Variants in HOOK1 observed in about 807,000 individuals in gnomAD.
HOOK1 encodes hook microtubule tethering protein 1.
A neutral mutation model predicts 112.8 loss-of-function variants in HOOK1; 60 were observed. The observed-to-expected ratio is 0.53, with a 90% CI of 0.43 to 0.66. The LOEUF is 0.66. Among genes scored for constraint, HOOK1 ranks in the 30% least tolerant of loss-of-function variants. HOOK1 has a pLI of 0.00. For synonymous variants in HOOK1, 294 were observed against 283.8 expected (o/e 1.04, Z -0.36); for missense variants, 770 against 856.0 (o/e 0.90, Z 1.25).
At chr1:59,843,852 C>A (rs951622081) in intron 9 of HOOK1, among the ~76,000 whole-genome samples, 1 of 151,932 alleles carries the variant, frequency 6.6e-6, no homozygotes, top group Non-Finnish European at 1.5e-5. Flanking sequence ...ATAGGACAGC[C>A]AATAGGAGTT....
intron 9 of HOOK1, among the ~76,000 whole-genome samples, chr1:59,844,972 TTGAGC>T (rs1446176341): frequency 6.6e-6 from 1 of 151,996 alleles, no homozygotes; most frequent in African/African-American, 2.4e-5. Flanking sequence ...AATTCACTTA[TTGAGC>T]TGGTAGTTTG....
At chr1:59,817,058 C>T (rs1559040083) in intron 1 of HOOK1, among the ~76,000 whole-genome samples, 1 of 152,198 alleles carries the variant, frequency 6.6e-6, no homozygotes, top group Non-Finnish European at 1.5e-5. Flanking sequence ...CCATCCCTTC[C>T]ACCTCTTTTA....
intron 10 of HOOK1, 99 bp from the exon 11 acceptor site, chr1:59,848,216 C>G (rs923636281): frequency 7.0e-6 from 6 of 851,220 alleles, no homozygotes; most frequent in Non-Finnish European, 1.1e-5. Context: ...TTTCTTTTTT[C>G]TTTTTTGTGA....
In HOOK1 at chr1:59,862,814, G is replaced by T; in HGVS notation, c.1563G>T (p.Gln521His). ...RLSKERIREL[Q>H]QQIEDLQKSL... ...GCAAAGAGCGTATTAGAGAATTGCA[G>T]CAGCAGATTGAGGACCTCCAGAAAT... Residue 521 changes from glutamine to histidine, a missense_variant, in exon 16 of 22, where the codon CAG becomes CAT. Gln to His is a conservative substitution (Grantham distance 24). This residue lies in a region of HOOK1 where 655 missense variants were observed against 725.9 expected (regional missense o/e 0.90). Coordinates refer to ENST00000371208, the MANE Select transcript of HOOK1 (RefSeq NM_015888.6). The T allele has an allele frequency of 6.2e-7, 1 of 1,611,808 alleles. No individual in the cohort carries two copies. Among genetic ancestry groups the T allele is most frequent in the Non-Finnish European group, 8.5e-7 (1 of 1,178,022 alleles).
At chr1:59,839,701 C>T (rs1174967113) in intron 7 of HOOK1, among the ~76,000 whole-genome samples, 2 of 152,090 alleles carry the variant, frequency 1.3e-5, no homozygotes, top group Non-Finnish European at 2.9e-5. Context: ...TGCCTGATTG[C>T]CCTGGCCAGA....
chr1:59,839,155 T>C (rs2098399607), intron 7 of HOOK1, among the ~76,000 whole-genome samples: 1 of 152,154 alleles, frequency 6.6e-6, no homozygotes, highest in African/African-American at 2.4e-5. Context: ...TTGTTCTTCT[T>C]GCACACAATT....
chr1:59,823,516 T>G (rs145720072), intron 2 of HOOK1, among the ~76,000 whole-genome samples: 1 of 152,148 alleles, frequency 6.6e-6, no homozygotes, highest in African/African-American at 2.4e-5. Context: ...TTGGTGTAGA[T>G]GCAGCAACAT....
chr1:59,825,721 C>T (rs1044113850), intron 2 of HOOK1, among the ~76,000 whole-genome samples: 9 of 152,176 alleles, frequency 5.9e-5, no homozygotes, highest in Admixed American at 4.6e-4. Flanking sequence ...TCAGTGCTCC[C>T]AACCAGCTGT....
At chr1:59,825,401 G>A (rs971233424) in intron 2 of HOOK1, among the ~76,000 whole-genome samples, 7 of 152,138 alleles carry the variant, frequency 4.6e-5, no homozygotes, top group Non-Finnish European at 1.0e-4. Context: ...GAATGAGACA[G>A]ATAATGTAGG....
At chr1:59,826,331 C>CA (rs2098389885) in intron 2 of HOOK1, among the ~76,000 whole-genome samples, 1 of 148,634 alleles carries the variant, frequency 6.7e-6, no homozygotes, top group Admixed American at 6.7e-5. Context: ...GTAGAGGTTG[C>CA]AGCGCAAAAG....
chr1:59,873,765 A>ATATT lies in HOOK1; in HGVS notation c.*800_*801insTATT, dbSNP rs1553465916. The ATATT allele has an allele frequency of 2.4e-5, 3 of 122,988 alleles. No individual in the cohort carries two copies. Among genetic ancestry groups the ATATT allele is most frequent in the Non-Finnish European group, 5.2e-5 (3 of 57,162 alleles). The allele number at this position is 122,988 out of a possible 1,614,324, so 7.6% of individuals were successfully genotyped here. A position where few individuals can be genotyped will look rare whatever the true frequency, so the allele number is the denominator to read the frequency against. ...TATATATATATATATATATATATAT[A>ATATT]CTTTTTGTGAAATGTCTATATACTT... is the stretch of plus-strand genomic sequence containing the variant. On this transcript the variant is annotated 3_prime_UTR_variant, in exon 22 of 22. Coordinates refer to ENST00000371208, the MANE Select transcript of HOOK1 (RefSeq NM_015888.6).
At chr1:59,858,908 G>T in intron 13 of HOOK1, 77 bp from the exon 14 acceptor site, 1 of 725,258 alleles carries the variant, frequency 1.4e-6, no homozygotes, top group Non-Finnish European at 2.3e-6. Flanking sequence ...ACAAAGAGAG[G>T]GAGGGGGGGA....
chr1:59,825,994 T>G (rs1001552250), intron 2 of HOOK1, among the ~76,000 whole-genome samples: 11 of 152,014 alleles, frequency 7.2e-5, no homozygotes, highest in African/African-American at 2.7e-4. Context: ...GTTTAATGGG[T>G]TAATAGAGAA....
intron 2 of HOOK1, among the ~76,000 whole-genome samples, chr1:59,825,275 G>C (rs1458953863): frequency 6.6e-6 from 1 of 152,234 alleles, no homozygotes; most frequent in African/African-American, 2.4e-5. Flanking sequence ...CAGAACAACT[G>C]TAAATAGTGC....
chr1:59,840,601 T>G (rs935087985), intron 8 of HOOK1, among the ~76,000 whole-genome samples: 4 of 152,126 alleles, frequency 2.6e-5, no homozygotes, highest in Admixed American at 2.0e-4. Context: ...CTTAACTTTC[T>G]TTGAGAAAAT....
intron 2 of HOOK1, among the ~76,000 whole-genome samples, chr1:59,825,703 C>G (rs1301999511): frequency 1.3e-5 from 2 of 152,200 alleles, no homozygotes; most frequent in Non-Finnish European, 2.9e-5. Context: ...TTTGGTCTGA[C>G]TCCAAGTTCA....
At position 59,862,775 on chromosome 1, in the gene HOOK1, T is replaced by C. The variant is rs889547483; in HGVS notation, c.1533-9T>C. The C allele has an allele frequency of 6.3e-7, 1 of 1,584,080 alleles. No individual in the cohort carries two copies. Among genetic ancestry groups the C allele is most frequent in the Admixed American group, 1.7e-5 (1 of 59,864 alleles). ...TACAAGTAAATGCTTATGACCCATCTTACAATAGGCTGAGCAAAGAGCGTA... is the reference window on the plus strand; with the variant it reads ...TACAAGTAAATGCTTATGACCCATCCTACAATAGGCTGAGCAAAGAGCGTA... On this transcript the variant is annotated splice_polypyrimidine_tract_variant and intron_variant, in intron 15 of 21. Transcript: ENST00000371208.
At chr1:59,858,248 C>G (rs964340118) in intron 12 of HOOK1, among the ~76,000 whole-genome samples, 180 bp from the exon 13 acceptor site, 1 of 152,154 alleles carries the variant, frequency 6.6e-6, no homozygotes, top group Non-Finnish European at 1.5e-5. Flanking sequence ...AAAGTCAAAA[C>G]CATGTATAAA....
chr1:59,854,552 A>T (rs927847602), intron 12 of HOOK1, among the ~76,000 whole-genome samples: 3 of 151,866 alleles, frequency 2.0e-5, no homozygotes, highest in African/African-American at 7.3e-5. Flanking sequence ...TATTCAAAAG[A>T]TGTATTGCTA....
Sources: gnomAD v4.1 joint callset for allele counts (sites outside exome capture counted in the v4.1 genomes callset) on GRCh38, gnomAD v4.1.1 for gene constraint, gnomAD v4.1.1 regional missense constraint, MANE v1.5 for transcripts, NCBI Gene and HGNC (gene_info 2026-07-23, HGNC 2026-07-21) for gene names.